The following VPS37A variants were observed in gnomAD, a reference collection of about 807,000 sequenced individuals.
VPS37A encodes the protein vacuolar protein sorting-associated protein 37A.
A neutral mutation model predicts 49.8 loss-of-function variants in VPS37A; 30 were observed. The ratio of observed to expected loss-of-function variants is 0.60; its 90% CI spans 0.45 to 0.82. VPS37A has a LOEUF of 0.82. Among genes scored for constraint, VPS37A ranks in the 40% least tolerant of loss-of-function variants. The probability of loss-of-function intolerance (pLI) is 0.00; values close to 1 mark genes in which losing one functional copy is unlikely to be tolerated. For synonymous variants in VPS37A, 195 were observed against 160.6 expected (o/e 1.21, Z -1.62); for missense variants, 593 against 464.4 (o/e 1.28, Z -2.55).
At chr8:17,274,573 A>G (rs988335376) in intron 4 of VPS37A, among the ~76,000 whole-genome samples, 160 bp from the exon 5 acceptor site, 6 of 152,122 alleles carry the variant, frequency 3.9e-5, no homozygotes, top group African/African-American at 1.4e-4. Context: ...ACCACTTTAT[A>G]TAATATTTAA....
the VPS37A span, among the ~76,000 whole-genome samples, chr8:17,329,783 G>C: frequency 1.3e-5 from 2 of 152,160 alleles, no homozygotes; most frequent in Admixed American, 6.5e-5. Context: ...GCCAAACTCT[G>C]CATGATAATC....
the VPS37A span, chr8:17,311,656 CAAAG>C: frequency 6.2e-7 from 1 of 1,613,798 alleles, no homozygotes; most frequent in Admixed American, 1.7e-5. Flanking sequence ...ACACGATCCG[CAAAG>C]AGTCACAAAG....
chr8:17,331,483 A>G, the VPS37A span, among the ~76,000 whole-genome samples: 1 of 152,210 alleles, frequency 6.6e-6, no homozygotes, highest in Admixed American at 6.5e-5. Flanking sequence ...AACAGCATGA[A>G]TTTGTCAGTG....
rs184432759 is a variant in VPS37A at position 17,262,629 on chromosome 8, G to A, written c.126-3278G>A. ...TATGTTGAAAATAGTACCACTGTCA[G>A]TATAAAGATATGGTTATAAGAATGT... On this transcript the variant is annotated intron_variant, in intron 1 of 11. Coordinates refer to ENST00000324849, the MANE Select transcript of VPS37A (RefSeq NM_152415.3). Among the ~76,000 whole-genome samples the A allele has an allele frequency of 3.8e-3, 582 of 151,946 alleles. 5 individuals are homozygous for A. The highest frequency in any genetic ancestry group is 0.013 in the African/African-American group (557 of 41,414).
chr8:17,313,326 T>C, the VPS37A span: 3 of 1,613,520 alleles, frequency 1.9e-6, no homozygotes, highest in Middle Eastern at 3.3e-4. Flanking sequence ...CATTATGGCT[T>C]TAATGTGCCT....
chr8:17,307,104 C>A (rs1218603215), downstream of VPS37A, among the ~76,000 whole-genome samples: 1 of 152,030 alleles, frequency 6.6e-6, no homozygotes, highest in South Asian at 2.1e-4. Flanking sequence ...GAACAGGCAA[C>A]CTACAAAATG....
In VPS37A at chr8:17,276,436, C is replaced by A; in HGVS notation, c.682C>A (p.Pro228Thr). ...NGFGYKMPDV[P>T]DAFPELSELS... ...TTTTGGGTACAAGATGCCAGATGTC[C>A]CTGATGCATTTCCAGAACTCTCAGA... The change falls in exon 6 of 12, where the codon CCT (proline) becomes ACT (threonine). Residue 228 changes from proline to threonine, a missense_variant. By Grantham distance (38) the Pro-to-Thr change is conservative. Transcript: ENST00000324849. 1 of 1,612,132 alleles carries A rather than the reference C, an allele frequency of 6.2e-7. No homozygotes were observed. The highest frequency in any genetic ancestry group is 8.5e-7 in the Non-Finnish European group (1 of 1,179,102).
At position 17,276,356 on chromosome 8, in the gene VPS37A, A is replaced by T. The variant is rs556088564; in HGVS notation, c.643-41A>T. 1.3e-5 allele frequency: 20 copies of T among 1,555,150 alleles called. No individual in the cohort carries two copies. In the South Asian group the frequency reaches 2.2e-4, roughly 17 times the overall value. On this transcript the variant is annotated intron_variant, in intron 5 of 11. Coordinates refer to ENST00000324849, the MANE Select transcript of VPS37A (RefSeq NM_152415.3). ...TATTAGTAATTGAGAGCAGTCAAAA[A>T]TAATGGCTGAAATTTAATATCATTT...
At chr8:17,286,146 C>T (rs1432121363) in intron 10 of VPS37A, among the ~76,000 whole-genome samples, 4 of 152,140 alleles carry the variant, frequency 2.6e-5, no homozygotes, top group Non-Finnish European at 5.9e-5. Flanking sequence ...AAAGTATTAT[C>T]TGCTCCTTGT....
chr8:17,254,587 AT>A (rs1432660714), intron 1 of VPS37A, among the ~76,000 whole-genome samples: 1 of 151,256 alleles, frequency 6.6e-6, no homozygotes, highest in African/African-American at 2.4e-5. Context: ...TATTGGACTT[AT>A]GTTTTGGATT....
At chr8:17,269,049 GTCCT>G in intron 4 of VPS37A, 93 bp downstream of exon 4, 3 of 888,000 alleles carry the variant, frequency 3.4e-6, no homozygotes, top group Non-Finnish European at 5.0e-6. Context: ...TTAAAAATCA[GTCCT>G]CTGATTTCTA....
chr8:17,304,626 A>T (rs1817332064), downstream of VPS37A: 1 of 1,207,544 alleles, frequency 8.3e-7, no homozygotes, highest in East Asian at 2.4e-5. Flanking sequence ...CCTGAAAACC[A>T]CGTGTCTGTT....
chr8:17,303,159 C>T (rs562121191), downstream of VPS37A, among the ~76,000 whole-genome samples: 254 of 152,280 alleles, frequency 1.7e-3, 1 homozygote, highest in Non-Finnish European at 2.9e-3. Flanking sequence ...ATTGTTTTAT[C>T]TGCAGTGCCC....
the VPS37A span, among the ~76,000 whole-genome samples, chr8:17,307,857 A>T: frequency 2.0e-5 from 3 of 150,470 alleles, no homozygotes; most frequent in African/African-American, 7.3e-5. Flanking sequence ...AGGACACAGG[A>T]AGGGGAACAT....
downstream of VPS37A, chr8:17,305,642 T>G: frequency 1.2e-6 from 1 of 809,032 alleles, no homozygotes; most frequent in Admixed American, 2.6e-5. Flanking sequence ...AATCTGTCAG[T>G]ATAGGTATGT....
At chr8:17,304,381 G>A (rs372250157), downstream of VPS37A, 39 of 1,611,820 alleles carry the variant, frequency 2.4e-5, no homozygotes, top group Non-Finnish European at 3.1e-5. Flanking sequence ...TTACATACTT[G>A]TACATGAAGT....
downstream of VPS37A, among the ~76,000 whole-genome samples, chr8:17,306,805 G>A (rs1275793397): frequency 6.6e-6 from 1 of 152,170 alleles, no homozygotes; most frequent in Non-Finnish European, 1.5e-5. Context: ...ACCTTTGGTA[G>A]CTTTAAAAAG....
downstream of VPS37A, among the ~76,000 whole-genome samples, chr8:17,306,996 A>G (rs540027386): frequency 4.6e-5 from 7 of 152,358 alleles, no homozygotes; most frequent in South Asian, 1.2e-3. Flanking sequence ...CTTCATGTCT[A>G]AAACACCAAA....
intron 1 of VPS37A, among the ~76,000 whole-genome samples, chr8:17,252,110 A>G (rs1812037674): frequency 1.3e-5 from 2 of 152,226 alleles, no homozygotes; most frequent in African/African-American, 4.8e-5. Context: ...TATTTTTATG[A>G]AAAGCATTTA....
Sources: gnomAD v4.1 joint callset for allele counts (sites outside exome capture counted in the v4.1 genomes callset) on GRCh38, gnomAD v4.1.1 for gene constraint, MANE v1.5 for transcripts, NCBI Gene and HGNC (gene_info 2026-07-23, HGNC 2026-07-21) for gene names.